SCIN: variants seen among roughly 807,000 people sequenced by gnomAD.
SCIN encodes the protein adseverin.
In SCIN, 91 loss-of-function variants were observed where a neutral mutation model predicts 91.8. The observed-to-expected ratio is 0.99, with a 90% CI of 0.84 to 1.18. The LOEUF (loss-of-function observed/expected upper bound fraction) is 1.18, where lower values mean the gene tolerates loss of function less well. SCIN is among the 50% of genes most tolerant of loss of function. The pLI is 0.00. For synonymous variants in SCIN, 367 were observed against 312.6 expected (o/e 1.17, Z -1.84); for missense variants, 1,087 against 863.9 (o/e 1.26, Z -3.24).
intron 10 of SCIN, 144 bp from the exon 11 acceptor site, chr7:12,640,203 C>A: frequency 1.6e-6 from 1 of 625,180 alleles, no homozygotes; most frequent in Non-Finnish European, 2.5e-6. Context: ...CCTATATGTT[C>A]TGTTAATCAT....
intron 4 of SCIN, among the ~76,000 whole-genome samples, chr7:12,621,905 G>A (rs918342988): frequency 1.5e-4 from 22 of 151,558 alleles, no homozygotes; most frequent in Non-Finnish European, 2.8e-4. Flanking sequence ...AAGGAATAGC[G>A]AATATAAAAC....
At chr7:12,571,108 C>T (rs1177448086) in intron 1 of SCIN, 123 bp downstream of exon 1, 43 of 1,115,364 alleles carry the variant, frequency 3.9e-5, no homozygotes, top group Non-Finnish European at 4.8e-5. Flanking sequence ...ACTCGCGCCC[C>T]CACGGGGCTG....
At chr7:12,608,998 T>C (rs1783137744) in intron 4 of SCIN, among the ~76,000 whole-genome samples, 1 of 152,222 alleles carries the variant, frequency 6.6e-6, no homozygotes, top group African/African-American at 2.4e-5. Context: ...CACACTTTTC[T>C]GAGAGTCTTT....
chr7:12,652,252 A>G (rs1016553401), intron 15 of SCIN, among the ~76,000 whole-genome samples: 17 of 152,130 alleles, frequency 1.1e-4, no homozygotes, highest in African/African-American at 3.6e-4. Flanking sequence ...TTCTGGCACA[A>G]TTTTCCTTTT....
At chr7:12,572,021 C>G (rs200379213) in intron 1 of SCIN, among the ~76,000 whole-genome samples, 3 of 152,266 alleles carry the variant, frequency 2.0e-5, no homozygotes, top group East Asian at 3.9e-4. Context: ...AGGAGGAAAA[C>G]ACACAAAACC....
chr7:12,627,294 A>C (rs1783547043), intron 8 of SCIN, among the ~76,000 whole-genome samples: 1 of 152,004 alleles, frequency 6.6e-6, no homozygotes, highest in Admixed American at 6.6e-5. Context: ...TGCCTTGAGG[A>C]CTGACTTCCC....
At chr7:12,642,396 G>A (rs1031915078) in intron 11 of SCIN, among the ~76,000 whole-genome samples, 1 of 151,892 alleles carries the variant, frequency 6.6e-6, no homozygotes, top group East Asian at 1.9e-4. Context: ...TACAAAGATG[G>A]CTGTAACAGA....
In SCIN at chr7:12,625,149, A is replaced by T; in HGVS notation, c.892+7A>T. On this transcript the variant is annotated splice_region_variant and intron_variant, in intron 6 of 15. Coordinates refer to ENST00000297029, the MANE Select transcript of SCIN (RefSeq NM_001112706.3). ...CAAATTTTCGTATGGAAAGGTAAAA[A>T]ATTCCATTGACGATGCTGTATTTCA... 6.2e-7 allele frequency: 1 copy of T among 1,606,272 alleles called. No individual in the cohort carries two copies. Among genetic ancestry groups the T allele is most frequent in the Non-Finnish European group, 8.5e-7 (1 of 1,176,472 alleles).
At chr7:12,639,957 T>C (rs1259972406) in intron 10 of SCIN, among the ~76,000 whole-genome samples, 2 of 152,230 alleles carry the variant, frequency 1.3e-5, no homozygotes, top group African/African-American at 2.4e-5. Flanking sequence ...CCTCTGTAAA[T>C]ATCTGTAAGT....
chr7:12,640,465 C>A lies in SCIN; in HGVS notation c.1529C>A (p.Thr510Lys), dbSNP rs770360103. 15 of 1,613,094 alleles carry A rather than the reference C, an allele frequency of 9.3e-6. No individual in the cohort carries two copies. Among genetic ancestry groups the A allele is most frequent in the African/African-American group, 2.7e-5 (2 of 74,868 alleles). The part of the protein sequence containing the change: ...KKGGQAPAPP[T>K]RLFQVRRNLA... ...GGAGGTCAGGCACCTGCTCCCCCTA[C>A]ACGCCTCTTTCAAGTCCGGAGAAAC... Residue 510 changes from threonine to lysine, a missense_variant, in exon 11 of 16, where the codon ACA (threonine) becomes AAA (lysine). Physicochemically the swap from Thr to Lys is moderately conservative, Grantham distance 78. Transcript: ENST00000297029.
intron 2 of SCIN, among the ~76,000 whole-genome samples, chr7:12,580,333 G>A (rs1302878786): frequency 6.6e-6 from 1 of 152,044 alleles, no homozygotes; most frequent in African/African-American, 2.4e-5. Flanking sequence ...AATATAAGAA[G>A]ATGTAGTTGA....
At chr7:12,607,274 T>C (rs1783097559) in intron 4 of SCIN, among the ~76,000 whole-genome samples, 1 of 152,166 alleles carries the variant, frequency 6.6e-6, no homozygotes, top group Admixed American at 6.5e-5. Flanking sequence ...CTACCTTACC[T>C]CTTGGGCAGC....
intron 10 of SCIN, among the ~76,000 whole-genome samples, chr7:12,639,664 C>T (rs1783818598): frequency 6.6e-6 from 1 of 151,972 alleles, no homozygotes; most frequent in Non-Finnish European, 1.5e-5. Context: ...TTTCCTCATC[C>T]TGAAAAGTCT....
intron 3 of SCIN, among the ~76,000 whole-genome samples, chr7:12,598,002 T>G (rs1323814453): frequency 2.0e-5 from 3 of 152,184 alleles, no homozygotes; most frequent in African/African-American, 7.2e-5. Context: ...AAATATGATA[T>G]TTAGTGTTGA....
intron 6 of SCIN, 105 bp downstream of exon 6, chr7:12,625,247 A>T: frequency 9.5e-7 from 1 of 1,047,810 alleles, no homozygotes; most frequent in Non-Finnish European, 1.3e-6. Flanking sequence ...CCACCTTTTA[A>T]TTAAGACATG....
intron 3 of SCIN, among the ~76,000 whole-genome samples, chr7:12,592,328 G>A (rs1782741821): frequency 6.6e-6 from 1 of 152,154 alleles, no homozygotes; most frequent in South Asian, 2.1e-4. Flanking sequence ...TGAGCCATCA[G>A]ACTTTTTAAC....
chr7:12,604,462 T>A, intron 3 of SCIN, 52 bp from the exon 4 acceptor site: 3 of 1,488,162 alleles, frequency 2.0e-6, no homozygotes, highest in Non-Finnish European at 2.7e-6. Flanking sequence ...ACACTGAGGC[T>A]GAATGTCTTC....
chr7:12,619,256 C>T (rs1456473817), intron 4 of SCIN, among the ~76,000 whole-genome samples: 1 of 151,984 alleles, frequency 6.6e-6, no homozygotes, highest in African/African-American at 2.4e-5. Flanking sequence ...AATATTTATT[C>T]TAAAGTGGCC....
chr7:12,647,767 C>G (rs1175654695), intron 13 of SCIN, among the ~76,000 whole-genome samples: 2 of 152,176 alleles, frequency 1.3e-5, no homozygotes, highest in Non-Finnish European at 2.9e-5. Flanking sequence ...GTATAACAAT[C>G]TCAAAATCTC....
Sources: allele counts gnomAD v4.1 joint callset (sites outside exome capture counted in the v4.1 genomes callset), GRCh38; gene constraint gnomAD v4.1.1; transcripts MANE v1.5; gene names NCBI Gene and HGNC (gene_info 2026-07-23, HGNC 2026-07-21).